Variants in ATP10B observed in about 807,000 individuals in gnomAD.
The protein encoded by ATP10B is phospholipid-transporting ATPase VB.
ATP10B carries 122 observed loss-of-function variants against 141.2 expected under a neutral mutation model. That is an observed-to-expected ratio of 0.86 (90% CI 0.75 to 1.00). The LOEUF (loss-of-function observed/expected upper bound fraction) is 1.00. ATP10B is among the 50% of genes least tolerant of loss of function. The pLI is 0.00. For synonymous variants in ATP10B, 685 were observed against 692.0 expected, an observed-to-expected ratio of 0.99 and a Z score of 0.16; for missense variants, 1,876 against 1,825.3, an observed-to-expected ratio of 1.03 and a Z score of -0.51.
intron 1 of ATP10B, among the ~76,000 whole-genome samples, chr5:160,827,245 G>T (rs1228935895): frequency 6.6e-6 from 1 of 152,162 alleles, no homozygotes; most frequent in Non-Finnish European, 1.5e-5. Context: ...AACACTTACA[G>T]AAAATAGGAA....
the ATP10B span, among the ~76,000 whole-genome samples, chr5:160,886,418 T>G: frequency 2.0e-5 from 3 of 152,172 alleles, no homozygotes; most frequent in Non-Finnish European, 4.4e-5. Flanking sequence ...AAGTAGAGTG[T>G]GTTTTGAGGC....
At chr5:160,773,818 G>A (rs1561839321) in intron 2 of ATP10B, among the ~76,000 whole-genome samples, 10 of 149,962 alleles carry the variant, frequency 6.7e-5, no homozygotes. Context: ...CTGGCAGACA[G>A]TCTTATTGTG....
chr5:160,621,076 A>G lies in ATP10B; in HGVS notation c.1813-126T>C, dbSNP rs1379211829. ...CCAGATATTTTCCTCCAGCCCTGAA[A>G]TTCTAAGCATTGACAATGGTCATTT... On this transcript the variant is annotated intron_variant, in intron 14 of 25. Coordinates refer to ENST00000327245, the MANE Select transcript of ATP10B (RefSeq NM_025153.3). 3.5e-5 allele frequency: 40 copies of G among 1,145,478 alleles called. No individual in the cohort carries two copies. The Admixed American group carries it at 9.1e-4, about 26-fold the overall frequency. 71.0% of individuals were successfully genotyped at this position (1,145,478 alleles called of 1,614,324 possible).
intron 2 of ATP10B, among the ~76,000 whole-genome samples, chr5:160,772,734 C>T (rs1402331918): frequency 6.6e-6 from 1 of 152,184 alleles, no homozygotes; most frequent in Non-Finnish European, 1.5e-5. Context: ...TACTATGCTG[C>T]CCATTTCCTA....
chr5:160,694,843 A>T (rs1020329954), intron 3 of ATP10B, among the ~76,000 whole-genome samples: 13 of 152,204 alleles, frequency 8.5e-5, no homozygotes, highest in Admixed American at 5.9e-4. Flanking sequence ...TTTAGAAATA[A>T]ATATATATTC....
chr5:160,653,712 CATATATACATATATATT>C (rs1443917086), intron 7 of ATP10B, among the ~76,000 whole-genome samples: 2 of 118,958 alleles, frequency 1.7e-5, no homozygotes, highest in African/African-American at 6.4e-5. Context: ...ACAATATATA[CATATATACATATATATT>C]ATATATACAT....
intron 24 of ATP10B, among the ~76,000 whole-genome samples, chr5:160,586,185 G>A (rs529164878): frequency 6.6e-6 from 1 of 152,196 alleles, no homozygotes; most frequent in East Asian, 1.9e-4. Context: ...GTGTCCATGT[G>A]TTCTCATTGT....
intron 13 of ATP10B, among the ~76,000 whole-genome samples, chr5:160,626,498 A>T (rs1012352559): frequency 1.1e-4 from 16 of 152,250 alleles, no homozygotes; most frequent in African/African-American, 3.9e-4. Context: ...ATTGAAGTTA[A>T]GTAACTTGTC....
rs557228162 is a variant in ATP10B at position 160,749,279 on chromosome 5, A to C, written c.-330-32245T>G. Among the ~76,000 whole-genome samples, 13 of 152,338 alleles carry C rather than the reference A, an allele frequency of 8.5e-5. No homozygotes were observed. In the South Asian group the frequency reaches 2.5e-3, roughly 29 times the overall value. ...GGGAGTGACAGCTCTGTTACACATA[A>C]GGAATTCTATCTTCTCAGAACTTGT... On this transcript the variant is annotated intron_variant, in intron 2 of 25. Transcript: ENST00000327245.
At chr5:160,652,906 TATACATG>T (rs1297321157) in intron 7 of ATP10B, among the ~76,000 whole-genome samples, 2 of 71,884 alleles carry the variant, frequency 2.8e-5, no homozygotes, top group Non-Finnish European at 4.7e-5. Context: ...ATATATTATA[TATACATG>T]TATATATAAT....
Position 160,634,415 on chromosome 5 carries a change from C to G in ATP10B, c.1320G>C (p.Glu440Asp), listed in dbSNP as rs1759192790. ...TGCAACGTCGGAACACCATCTTGTT[C>G]TCTGTCAGGGTCCCCGTCTTATCGG... ...IFSDKTGTLT[E>D]NKMVFRRCTI... The change falls in exon 12 of 26, where the codon GAG becomes GAC. Residue 440 changes from glutamate (E) to aspartate (D), a missense_variant. By Grantham distance (45) the Glu-to-Asp change is conservative. Coordinates refer to ENST00000327245, the MANE Select transcript of ATP10B (RefSeq NM_025153.3). 6.2e-7 allele frequency: 1 copy of G among 1,614,062 alleles called. No individual in the cohort carries two copies. The highest frequency in any genetic ancestry group is 8.5e-7 in the Non-Finnish European group (1 of 1,180,034).
intron 1 of ATP10B, among the ~76,000 whole-genome samples, chr5:160,787,105 GACACACACACACACACACACAC>G (rs58517660): frequency 6.0e-5 from 8 of 133,568 alleles, no homozygotes; most frequent in South Asian, 4.8e-4. Context: ...TTTTGACACA[GACACACACACACACACACACAC>G]ACACACACAC....
At position 160,821,270 on chromosome 5, in the gene ATP10B, A is replaced by G. The variant is rs145147842; in HGVS notation, c.-576+30671T>C. On this transcript the variant is annotated intron_variant, in intron 1 of 25. Coordinates refer to ENST00000327245, the MANE Select transcript of ATP10B (RefSeq NM_025153.3). Reference sequence around the variant, plus strand: ...ACAAGTAATTCCATTTATAATAGCTAGAAATAAAATAAAATATCTAGGAAT... The same window carrying G: ...ACAAGTAATTCCATTTATAATAGCTGGAAATAAAATAAAATATCTAGGAAT... Among the ~76,000 whole-genome samples, 1,059 of 152,196 alleles carry G rather than the reference A, an allele frequency of 7.0e-3. 17 individuals are homozygous for G. The highest frequency in any genetic ancestry group is 0.024 in the African/African-American group (998 of 41,552).
intron 2 of ATP10B, among the ~76,000 whole-genome samples, chr5:160,751,480 G>C (rs1768146268): frequency 6.6e-6 from 1 of 152,134 alleles, no homozygotes; most frequent in Non-Finnish European, 1.5e-5. Flanking sequence ...CTGATAGCGG[G>C]CTAGTCCTTT....
rs181156116 is a variant in ATP10B at position 160,621,092 on chromosome 5, A to G, written c.1813-142T>C. 10 of 1,029,492 alleles carry G rather than the reference A, an allele frequency of 9.7e-6. No individual in the cohort carries two copies. The Admixed American group carries it at 1.2e-4, about 12-fold the overall frequency. The allele number at this position is 1,029,492 out of a possible 1,614,324, so 63.8% of individuals were successfully genotyped here. On this transcript the variant is annotated intron_variant, in intron 14 of 25. Transcript: ENST00000327245. Reference sequence around the variant, plus strand: ...AGCCCTGAAATTCTAAGCATTGACAATGGTCATTTTCCACTATCTTTTGAT... The same window carrying G: ...AGCCCTGAAATTCTAAGCATTGACAGTGGTCATTTTCCACTATCTTTTGAT...
rs540662108 is a variant in ATP10B, at chr5:160,817,764, T to G, written c.-575-31961A>C. On this transcript the variant is annotated intron_variant, in intron 1 of 25. Transcript: ENST00000327245. ...CTTTAAACTATACTGCAAGGCTACA[T>G]TAACCAAAACAGCATGGTACTGGTA... is the stretch of plus-strand genomic sequence containing the variant. Among the ~76,000 whole-genome samples the G allele has an allele frequency of 8.5e-3, 1,291 of 152,120 alleles. 19 individuals carry two copies. Among genetic ancestry groups the G allele is most frequent in the African/African-American group, 0.025 (1,028 of 41,504 alleles).
intron 3 of ATP10B, among the ~76,000 whole-genome samples, chr5:160,716,179 A>G (rs1432944521): frequency 1.3e-5 from 2 of 152,236 alleles, no homozygotes; most frequent in African/African-American, 4.8e-5. Flanking sequence ...AATGTCCATC[A>G]AAGAGTAGAA....
chr5:160,817,267 C>T (rs751695934), intron 1 of ATP10B, among the ~76,000 whole-genome samples: 16 of 152,058 alleles, frequency 1.1e-4, no homozygotes, highest in Non-Finnish European at 1.9e-4. Flanking sequence ...TTGTCTCAGC[C>T]CAAAATCTCC....
intron 3 of ATP10B, among the ~76,000 whole-genome samples, chr5:160,694,057 G>T (rs1300652307): frequency 6.6e-6 from 1 of 152,208 alleles, no homozygotes; most frequent in African/African-American, 2.4e-5. Context: ...TCTGAAGAGT[G>T]CCAGGGAAAT....
Sources: gnomAD v4.1 joint callset for allele counts (sites outside exome capture counted in the v4.1 genomes callset) on GRCh38, gnomAD v4.1.1 for gene constraint, MANE v1.5 for transcripts, NCBI Gene and HGNC (gene_info 2026-07-23, HGNC 2026-07-21) for gene names.